BCAS3: variants seen among roughly 807,000 people sequenced by gnomAD.
BCAS3 encodes BCAS3 microtubule associated cell migration factor.
Under a neutral mutation model 116.1 loss-of-function variants are expected in BCAS3, and 53 were observed. The observed-to-expected ratio is 0.46, with a 90% CI of 0.37 to 0.57. The LOEUF is 0.57. BCAS3 is among the 20% of genes least tolerant of loss of function. The pLI is 0.00. For missense variants in BCAS3, 917 were observed against 1,165.4 expected (o/e 0.79, Z 3.10); for synonymous variants, 391 against 408.2 (o/e 0.96, Z 0.51).
rs182735682 is a variant in BCAS3, at chr17:60,733,539, A to G, written c.322-13659A>G. On this transcript the variant is annotated intron_variant, in intron 5 of 23. Coordinates refer to ENST00000407086, the MANE Select transcript of BCAS3 (RefSeq NM_017679.5). ...TATGATCTTCCATGTCTAGTGGCCA[A>G]TTTTAAATACTGGATGTTTGGTTGG... 1.0e-3 allele frequency among the ~76,000 whole-genome samples: 157 copies of G among 152,280 alleles called. 6 individuals carry two copies. In the South Asian group the frequency reaches 0.031, roughly 30 times the overall value.
intron 22 of BCAS3, among the ~76,000 whole-genome samples, chr17:61,334,628 C>T (rs1165575951): frequency 7.4e-6 from 1 of 134,834 alleles, no homozygotes; most frequent in Non-Finnish European, 1.5e-5. Flanking sequence ...CGCACCATTG[C>T]ACTCCAGCCT....
At chr17:61,209,765 C>A (rs967035283) in intron 22 of BCAS3, among the ~76,000 whole-genome samples, 1 of 152,154 alleles carries the variant, frequency 6.6e-6, no homozygotes, top group African/African-American at 2.4e-5. Context: ...GAAGGACCTT[C>A]AATAGAGAGC....
chr17:60,808,037 G>T lies in BCAS3; in HGVS notation c.437G>T (p.Arg146Ile). 2 of 1,609,486 alleles carry T rather than the reference G, an allele frequency of 1.2e-6. No individual in the cohort carries two copies. Among genetic ancestry groups the T allele is most frequent in the Non-Finnish European group, 1.7e-6 (2 of 1,177,672 alleles). ...AQKCDNFAEK[R>I]PLLGVCKSIG... ...AAATGTGATAACTTTGCTGAAAAAA[G>T]ACCCCTCCTTGGTGTTTGTAAGAGC... The change falls in exon 7 of 24, where the codon AGA becomes ATA. Residue 146 changes from arginine to isoleucine, a missense_variant. Arg to Ile is a moderately conservative substitution (Grantham distance 97). This residue lies in a region of BCAS3 where 807 missense variants were observed against 1,026.0 expected (regional missense o/e 0.79). Transcript: ENST00000407086.
chr17:61,392,262 C>T lies in BCAS3; in HGVS notation c.*137C>T, dbSNP rs2060173378. On this transcript the variant is annotated 3_prime_UTR_variant, in exon 24 of 24. Coordinates refer to ENST00000407086, the MANE Select transcript of BCAS3 (RefSeq NM_017679.5). The surrounding 1 kb of genome is among the most constrained non-coding windows in gnomAD (Gnocchi z 6.4). ...CCCAAGCTTAGTGACAGCAGCCGCCCATCCTACCTGGATGGAGAAGAGACC... is the reference window on the plus strand; with the variant it reads ...CCCAAGCTTAGTGACAGCAGCCGCCTATCCTACCTGGATGGAGAAGAGACC... The T allele has an allele frequency of 9.3e-7, 1 of 1,070,434 alleles. No individual in the cohort carries two copies. The highest frequency in any genetic ancestry group is 1.6e-5 in the African/African-American group (1 of 62,800). 66.3% of individuals were successfully genotyped at this position (1,070,434 alleles called of 1,614,324 possible).
intron 13 of BCAS3, among the ~76,000 whole-genome samples, chr17:60,927,406 C>T (rs2059418994): frequency 6.6e-6 from 1 of 152,084 alleles, no homozygotes; most frequent in East Asian, 1.9e-4. Context: ...CAGGCGTGTA[C>T]CACGCCCAGC....
intron 6 of BCAS3, chr17:60,748,884 T>A (rs2042216679): frequency 6.6e-6 from 1 of 152,218 alleles, no homozygotes; most frequent in South Asian, 2.1e-4. Context: ...TGTTATGATT[T>A]GAACAAATTA....
At position 61,074,859 on chromosome 17, in the gene BCAS3, C is replaced by CACG. The variant is rs2071804027; in HGVS notation, c.2030-60_2030-58dup. 7.5e-5 allele frequency: 86 copies of CACG among 1,141,998 alleles called. 1 individual carries two copies. In the South Asian group the frequency reaches 1.2e-3, roughly 16 times the overall value. The allele number at this position is 1,141,998 out of a possible 1,614,324, so 70.7% of individuals were successfully genotyped here. ...CCATAGTATCCAAAATGGTTGTGCC[C>CACG]ACGTCTGTTTTTCCACTGCATGGAA... On this transcript the variant is annotated intron_variant, in intron 19 of 23. Transcript: ENST00000407086.
chr17:61,030,544 T>G (rs2066558600), intron 16 of BCAS3, among the ~76,000 whole-genome samples: 1 of 152,124 alleles, frequency 6.6e-6, no homozygotes, highest in Admixed American at 6.6e-5. Context: ...TTAATATCCC[T>G]ATAACTTCCT....
intron 22 of BCAS3, among the ~76,000 whole-genome samples, chr17:61,238,926 T>G (rs1568642127): frequency 6.6e-6 from 1 of 152,206 alleles, no homozygotes; most frequent in Non-Finnish European, 1.5e-5. Context: ...GATGGCTTCA[T>G]GGCTAGAAAT....
At position 60,990,899 on chromosome 17, in the gene BCAS3, G is replaced by T. The variant is rs1206219270; in HGVS notation, c.1486+664G>T. Among the ~76,000 whole-genome samples the T allele has an allele frequency of 6.6e-6, 1 of 152,062 alleles. No homozygotes were observed. Among genetic ancestry groups the T allele is most frequent in the Non-Finnish European group, 1.5e-5 (1 of 68,012 alleles). On this transcript the variant is annotated intron_variant, in intron 15 of 23. Coordinates refer to ENST00000407086, the MANE Select transcript of BCAS3 (RefSeq NM_017679.5). This position sits in a 1 kb window ranked among gnomAD's most constrained non-coding sequence, Gnocchi z 5.1. Reference sequence around the variant, plus strand: ...CTGACCTTGTGATCCACCTGCCTTGGCCTCCCAAAATGCTGGGATTACAGA... The same window carrying T: ...CTGACCTTGTGATCCACCTGCCTTGTCCTCCCAAAATGCTGGGATTACAGA...
chr17:61,188,249 T>C lies in BCAS3; in HGVS notation c.2425+103685T>C, dbSNP rs546271743. On this transcript the variant is annotated intron_variant, in intron 22 of 23. Transcript: ENST00000407086. The surrounding 1 kb of genome is among the most constrained non-coding windows in gnomAD (Gnocchi z 4.0). ...TTGTTGTTGTTTAACTTTAAGGATC[T>C]ATTGAGTTGGTACCCTGATACCTGA... Among the ~76,000 whole-genome samples, 21 of 152,328 alleles carry C rather than the reference T, an allele frequency of 1.4e-4. No individual in the cohort carries two copies. Among genetic ancestry groups the C allele is most frequent in the Non-Finnish European group, 2.6e-4 (18 of 68,026 alleles).
intron 22 of BCAS3, among the ~76,000 whole-genome samples, chr17:61,109,421 A>G (rs1436952681): frequency 6.6e-6 from 1 of 152,076 alleles, no homozygotes; most frequent in East Asian, 1.9e-4. Flanking sequence ...GTGTGCAAGT[A>G]TCTTTTTTAC....
intron 22 of BCAS3, among the ~76,000 whole-genome samples, chr17:61,311,767 G>A (rs1490969370): frequency 1.3e-5 from 2 of 152,152 alleles, no homozygotes; most frequent in East Asian, 1.9e-4. Flanking sequence ...GGTGGCGGGC[G>A]CCTGTAGTCC....
At chr17:60,838,738 G>A (rs919373778) in intron 7 of BCAS3, among the ~76,000 whole-genome samples, 3 of 152,124 alleles carry the variant, frequency 2.0e-5, no homozygotes, top group Admixed American at 6.5e-5. Context: ...TCTATATACC[G>A]CCATTTTGGA....
chr17:60,776,539 T>C (rs942594071), intron 6 of BCAS3, among the ~76,000 whole-genome samples: 29 of 150,716 alleles, frequency 1.9e-4, no homozygotes, highest in African/African-American at 6.8e-4. Flanking sequence ...ACCAACATAG[T>C]GAAAACCCAT....
At chr17:60,965,647 T>C (rs1375323193) in intron 14 of BCAS3, among the ~76,000 whole-genome samples, 1 of 152,244 alleles carries the variant, frequency 6.6e-6, no homozygotes, top group Non-Finnish European at 1.5e-5. Context: ...TATGTGTTTA[T>C]ATATTTTCCC....
intron 22 of BCAS3, among the ~76,000 whole-genome samples, chr17:61,267,694 C>T (rs1365538479): frequency 6.7e-6 from 1 of 149,330 alleles, no homozygotes; most frequent in Non-Finnish European, 1.5e-5. Context: ...TGCACTCCAG[C>T]CTGGGCGACA....
At position 61,139,957 on chromosome 17, in the gene BCAS3, C is replaced by T. The variant is rs571383549; in HGVS notation, c.2425+55393C>T. 5.9e-5 allele frequency among the ~76,000 whole-genome samples: 9 copies of T among 152,188 alleles called. No homozygotes were observed. In the South Asian group the frequency reaches 1.5e-3, roughly 25 times the overall value. ...CTGTCAAGACACAAAGTGATATGAC[C>T]GGGCACAGTGGCTCACGCCTGTAAT... On this transcript the variant is annotated intron_variant, in intron 22 of 23. Coordinates refer to ENST00000407086, the MANE Select transcript of BCAS3 (RefSeq NM_017679.5). This position sits in a 1 kb window ranked among gnomAD's most constrained non-coding sequence, Gnocchi z 4.7.
chr17:60,889,375 G>A (rs1037908919), intron 9 of BCAS3, among the ~76,000 whole-genome samples: 5 of 152,046 alleles, frequency 3.3e-5, no homozygotes, highest in African/African-American at 1.2e-4. Context: ...ATGAATGTTA[G>A]ACTTAAAATG....
Sources: gnomAD v4.1 joint callset for allele counts (sites outside exome capture counted in the v4.1 genomes callset) on GRCh38, gnomAD v4.1.1 for gene constraint, gnomAD v4.1.1 regional missense constraint, Gnocchi (gnomAD v3.1) non-coding constraint, MANE v1.5 for transcripts, NCBI Gene and HGNC (gene_info 2026-07-23, HGNC 2026-07-21) for gene names.